The following SHTN1 variants were observed in gnomAD, a reference collection of about 807,000 sequenced individuals.
SHTN1 encodes shootin-1.
SHTN1 carries 42 observed loss-of-function variants against 83.1 expected under a neutral mutation model. The ratio of observed to expected loss-of-function variants is 0.51; its 90% CI spans 0.39 to 0.65. SHTN1 has a LOEUF of 0.65. Among genes scored for constraint, SHTN1 ranks in the 30% least tolerant of loss-of-function variants. The probability of loss-of-function intolerance (pLI) is 0.00; values close to 1 mark genes in which losing one functional copy is unlikely to be tolerated. For missense variants in SHTN1, 622 were observed against 737.8 expected (o/e 0.84, Z 1.82); for synonymous variants, 224 against 247.7 (o/e 0.90, Z 0.90).
intron 1 of SHTN1, among the ~76,000 whole-genome samples, chr10:117,118,413 G>A (rs1447240366): frequency 6.8e-6 from 1 of 146,928 alleles, no homozygotes; most frequent in Non-Finnish European, 1.5e-5. Context: ...TGCTGGTGAG[G>A]ATTTGGAGAA....
At chr10:116,903,063 T>C (rs758756485) in intron 15 of SHTN1, among the ~76,000 whole-genome samples, 2 of 152,164 alleles carry the variant, frequency 1.3e-5, no homozygotes, top group African/African-American at 2.4e-5. Flanking sequence ...GACTAAAAAA[T>C]TGTGAACCCA....
chr10:116,968,736 TG>T lies in SHTN1; in HGVS notation c.112-25del, dbSNP rs772990557. The T allele has an allele frequency of 2.0e-4, 320 of 1,577,580 alleles. 1 individual carries two copies. The highest frequency in any genetic ancestry group is 1.7e-3 in the Middle Eastern group (10 of 5,990). On this transcript the variant is annotated intron_variant, in intron 2 of 16. Coordinates refer to ENST00000355371, the MANE Select transcript of SHTN1 (RefSeq NM_001127211.3). ...CACTGAAATGAGAGAAGTAAACAAA[TG>T]TTAAACTTCAATCATAAATTTTAAG...
intron 1 of SHTN1, among the ~76,000 whole-genome samples, chr10:116,991,776 A>T (rs999855685): frequency 2.0e-5 from 3 of 152,146 alleles, no homozygotes; most frequent in African/African-American, 7.2e-5. Flanking sequence ...CTTCCAAACT[A>T]TACAAATTTG....
chr10:116,949,133 T>C (rs571232611), intron 6 of SHTN1, 136 bp from the exon 7 acceptor site: 2 of 933,856 alleles, frequency 2.1e-6, no homozygotes, highest in East Asian at 6.0e-5. Flanking sequence ...TTCAATGTGT[T>C]AGGACTTTTT....
chr10:116,951,886 C>G, intron 6 of SHTN1, 23 bp downstream of exon 6: 1 of 1,372,154 alleles, frequency 7.3e-7, no homozygotes, highest in Non-Finnish European at 1.0e-6. Context: ...AAAGCCCTTG[C>G]CTTTCAGGCC....
intron 1 of SHTN1, among the ~76,000 whole-genome samples, chr10:117,103,102 C>T (rs1268361345): frequency 6.6e-6 from 1 of 151,924 alleles, no homozygotes; most frequent in Non-Finnish European, 1.5e-5. Flanking sequence ...TTGTTGTTTG[C>T]TTTTTGAGAC....
chr10:116,939,500 T>C (rs9664200), intron 9 of SHTN1, among the ~76,000 whole-genome samples: 3,427 of 152,298 alleles, frequency 0.023, 126 homozygotes, highest in African/African-American at 0.077. Context: ...CTGCACTCAC[T>C]GTCCAACCAG....
At chr10:117,085,619 G>C (rs117269329) in intron 1 of SHTN1, among the ~76,000 whole-genome samples, 2,241 of 152,294 alleles carry the variant, frequency 0.015, 24 homozygotes, top group Middle Eastern at 0.037. Context: ...TTCTATAAAT[G>C]TCAATTAAAT....
At chr10:116,993,017 C>CTTTTTTTTTTTTTTTTTTTTTTTTTCT (rs35364697) in intron 1 of SHTN1, among the ~76,000 whole-genome samples, 1 of 121,226 alleles carries the variant, frequency 8.2e-6, no homozygotes, top group East Asian at 2.3e-4. Context: ...TCTTTTTTTT[C>CTTTTTTTTTTTTTTTTTTTTTTTTTCT]TTTTTTTTTT....
rs1847009185 is a variant in SHTN1 at position 116,881,485 on chromosome 10, G to C, written c.*4859C>G. 1.3e-6 allele frequency: 2 copies of C among 1,497,152 alleles called. No individual in the cohort carries two copies. Among genetic ancestry groups the C allele is most frequent in the Non-Finnish European group, 1.8e-6 (2 of 1,115,862 alleles). 92.7% of individuals were successfully genotyped at this position (1,497,152 alleles called of 1,614,324 possible). On this transcript the variant is annotated 3_prime_UTR_variant, in exon 17 of 17. Coordinates refer to ENST00000355371, the MANE Select transcript of SHTN1 (RefSeq NM_001127211.3). ...TATAAAAACTGGCACCATTGGATTA[G>C]ACAGTAAACTTTATTGTTACTTTAA...
At chr10:116,968,520 A>G (rs1850482197) in intron 3 of SHTN1, 132 bp downstream of exon 3, 2 of 604,366 alleles carry the variant, frequency 3.3e-6, no homozygotes, top group Non-Finnish European at 5.7e-6. Flanking sequence ...GCATGTTTGG[A>G]CAAATAGAAA....
At chr10:117,063,633 C>T (rs546356765) in intron 1 of SHTN1, among the ~76,000 whole-genome samples, 1 of 152,114 alleles carries the variant, frequency 6.6e-6, no homozygotes, top group Non-Finnish European at 1.5e-5. Context: ...ATGCAAAGCC[C>T]TTGGTGTGGC....
intron 2 of SHTN1, among the ~76,000 whole-genome samples, chr10:117,026,563 C>T (rs773054607): frequency 3.9e-5 from 6 of 152,274 alleles, no homozygotes; most frequent in African/African-American, 7.2e-5. Context: ...GCTTGGATTA[C>T]AGGTGTGCAC....
At chr10:117,107,252 T>C (rs139090119) in intron 1 of SHTN1, among the ~76,000 whole-genome samples, 1 of 152,268 alleles carries the variant, frequency 6.6e-6, no homozygotes, top group East Asian at 1.9e-4. Flanking sequence ...GGAAACAGTT[T>C]TGGGACGGTG....
chr10:117,098,451 G>A (rs1853539949), intron 1 of SHTN1, among the ~76,000 whole-genome samples: 1 of 150,124 alleles, frequency 6.7e-6, no homozygotes, highest in Non-Finnish European at 1.5e-5. Context: ...ATAGCCTGTG[G>A]AATAGGAGAT....
intron 1 of SHTN1, among the ~76,000 whole-genome samples, chr10:117,122,007 G>A (rs1233749600): frequency 6.6e-6 from 1 of 151,930 alleles, no homozygotes; most frequent in Non-Finnish European, 1.5e-5. Flanking sequence ...ACTCCAGCCT[G>A]GGCGACACAG....
intron 1 of SHTN1, among the ~76,000 whole-genome samples, chr10:116,987,558 G>T (rs1426917056): frequency 6.6e-6 from 1 of 152,088 alleles, no homozygotes; most frequent in Non-Finnish European, 1.5e-5. Context: ...ATCTAAAAAG[G>T]CTACATACAT....
chr10:116,979,172 C>T, intron 2 of SHTN1, 84 bp downstream of exon 2: 1 of 1,129,878 alleles, frequency 8.9e-7, no homozygotes, highest in South Asian at 1.3e-5. Flanking sequence ...TCACATTTAA[C>T]TGAAATTGGT....
chr10:116,979,086 G>C (rs1223338008), intron 2 of SHTN1, among the ~76,000 whole-genome samples, 170 bp downstream of exon 2: 10 of 152,192 alleles, frequency 6.6e-5, no homozygotes, highest in African/African-American at 2.4e-4. Flanking sequence ...ACCATCTGGA[G>C]CCTGGAGTTG....
Sources: gnomAD v4.1 joint callset for allele counts (sites outside exome capture counted in the v4.1 genomes callset) on GRCh38, gnomAD v4.1.1 for gene constraint, MANE v1.5 for transcripts, NCBI Gene and HGNC (gene_info 2026-07-23, HGNC 2026-07-21) for gene names.